Variants in ANKRD36C observed in about 807,000 individuals in gnomAD.
ANKRD36C encodes the protein ankyrin repeat domain-containing protein 36C.
Under a neutral mutation model 276.4 loss-of-function variants are expected in ANKRD36C, and 61 were observed. The ratio of observed to expected loss-of-function variants is 0.22; its 90% CI spans 0.18 to 0.27. ANKRD36C has a LOEUF of 0.27. Ranked by LOEUF, ANKRD36C falls within the 10% of genes least tolerant of loss-of-function variation. ANKRD36C has a pLI of 1.00. For synonymous variants in ANKRD36C, 483 were observed against 680.1 expected (o/e 0.71, Z 4.51); for missense variants, 1,447 against 2,032.3 (o/e 0.71, Z 5.54).
At chr2:95,873,376 T>A (rs1305971090) in intron 59 of ANKRD36C, among the ~76,000 whole-genome samples, 2 of 152,176 alleles carry the variant, frequency 1.3e-5, no homozygotes, top group Non-Finnish European at 2.9e-5. Flanking sequence ...CGCAAATAAA[T>A]AAATGTAATC....
At chr2:95,960,265 T>G (rs1459002356) in intron 10 of ANKRD36C, among the ~76,000 whole-genome samples, 1 of 152,060 alleles carries the variant, frequency 6.6e-6, no homozygotes, top group African/African-American at 2.4e-5. Flanking sequence ...CCAATTTCAG[T>G]GTAGGGAAGT....
intron 1 of ANKRD36C, among the ~76,000 whole-genome samples, chr2:95,988,029 T>C (rs934878213): frequency 1.3e-5 from 2 of 151,980 alleles, no homozygotes; most frequent in Admixed American, 1.3e-4. Context: ...CTTATTGATA[T>C]ATAAAGTAAC....
intron 34 of ANKRD36C, among the ~76,000 whole-genome samples, chr2:95,918,690 G>A (rs564306484): frequency 2.6e-5 from 4 of 151,646 alleles, no homozygotes; most frequent in South Asian, 2.1e-4. Flanking sequence ...AACTTTCTTC[G>A]TCAAGTCGTG....
chr2:95,849,090 C>A (rs1184521312), downstream of ANKRD36C, among the ~76,000 whole-genome samples: 1 of 151,926 alleles, frequency 6.6e-6, no homozygotes, highest in Admixed American at 6.6e-5. Flanking sequence ...GAGATGGAGT[C>A]ACTCTGTTGC....
chr2:95,924,001 C>T (rs894289722), intron 30 of ANKRD36C, among the ~76,000 whole-genome samples: 1 of 151,646 alleles, frequency 6.6e-6, no homozygotes, highest in Non-Finnish European at 1.5e-5. Context: ...AGAGGAGCAA[C>T]TCATACACCT....
chr2:95,916,323 AC>A (rs1403887219), intron 36 of ANKRD36C, among the ~76,000 whole-genome samples, 152 bp from the exon 39 acceptor site: 2 of 151,570 alleles, frequency 1.3e-5, no homozygotes, highest in African/African-American at 2.4e-5. Flanking sequence ...CTAGAACATG[AC>A]AGAAATACAC....
chr2:95,975,792 G>A (rs544680287), intron 6 of ANKRD36C, among the ~76,000 whole-genome samples: 6 of 152,030 alleles, frequency 3.9e-5, no homozygotes, highest in East Asian at 1.9e-4. Context: ...CTAATTAAAC[G>A]AAAGAGCTTC....
intron 3 of ANKRD36C, among the ~76,000 whole-genome samples, chr2:95,984,347 T>C (rs1181932598): frequency 6.6e-6 from 1 of 151,980 alleles, no homozygotes. Context: ...AAACCTGAGA[T>C]AGGCTCAAGG....
intron 15 of ANKRD36C, among the ~76,000 whole-genome samples, chr2:95,951,055 T>A (rs377099763): frequency 0.011 from 1,309 of 116,502 alleles, no homozygotes; most frequent in South Asian, 0.039. Context: ...GGGGAATCAC[T>A]TGAGGTCAAA....
At chr2:95,894,054 G>C (rs963736534) in intron 44 of ANKRD36C, among the ~76,000 whole-genome samples, 8 of 151,488 alleles carry the variant, frequency 5.3e-5, no homozygotes, top group Non-Finnish European at 3.0e-5. Flanking sequence ...TCACACACCT[G>C]AGAATCAATG....
chr2:95,950,878 G>C (rs1678176986), intron 15 of ANKRD36C, 99 bp from the exon 16 acceptor site: 3 of 1,265,580 alleles, frequency 2.4e-6, no homozygotes, highest in African/African-American at 1.5e-5. Flanking sequence ...TATAATCCCA[G>C]CTACTCAGAA....
intron 56 of ANKRD36C, among the ~76,000 whole-genome samples, chr2:95,880,923 T>C (rs1266249140): frequency 6.6e-6 from 1 of 152,196 alleles, no homozygotes; most frequent in East Asian, 1.9e-4. Flanking sequence ...AAATGTGATC[T>C]AAAATCAGAG....
chr2:95,946,922 G>C (rs991530416), intron 17 of ANKRD36C, among the ~76,000 whole-genome samples: 4 of 151,850 alleles, frequency 2.6e-5, no homozygotes, highest in Non-Finnish European at 4.4e-5. Flanking sequence ...GTGGGGGTAG[G>C]GGGGAGGGAT....
In ANKRD36C at chr2:95,916,071, A is replaced by G. The variant is rs1470710286; in HGVS notation, c.2377-19T>C. 11 of 1,596,662 alleles carry G rather than the reference A, an allele frequency of 6.9e-6. No individual in the cohort carries two copies. Among genetic ancestry groups the G allele is most frequent in the Non-Finnish European group, 9.4e-6 (11 of 1,173,426 alleles). ...TTGTAGCCTGAATGGAATTTGAAAC[A>G]AAATAATAAATAAGGTATGTTTCAT... On this transcript the variant is annotated intron_variant, in intron 37 of 66. Transcript: ENST00000456556.
rs1332674105 is a variant in ANKRD36C, at chr2:95,948,611, G to C, written c.1296-15C>G. On this transcript the variant is annotated splice_polypyrimidine_tract_variant and intron_variant, in intron 16 of 66. Transcript: ENST00000456556. ...GGTAGAGACACCTACAGAGCAAAAA[G>C]ATATGAAAAAAATGAGCACGTTCAT... is the stretch of plus-strand genomic sequence containing the variant. 2 of 1,532,502 alleles carry C rather than the reference G, an allele frequency of 1.3e-6. No individual in the cohort carries two copies. Among genetic ancestry groups the C allele is most frequent in the Non-Finnish European group, 1.7e-6 (2 of 1,144,608 alleles). The allele number at this position is 1,532,502 out of a possible 1,614,324, so 94.9% of individuals were successfully genotyped here.
At chr2:95,937,453 C>T (rs796758897) in intron 22 of ANKRD36C, among the ~76,000 whole-genome samples, 598 of 127,138 alleles carry the variant, frequency 4.7e-3, no homozygotes, top group South Asian at 0.017. Context: ...ATTTTCATTT[C>T]TACCAAAAAT....
chr2:95,878,327 T>C (rs1259030013), intron 58 of ANKRD36C, among the ~76,000 whole-genome samples: 2 of 152,210 alleles, frequency 1.3e-5, no homozygotes, highest in South Asian at 2.1e-4. Context: ...GGTTTTGTTA[T>C]TCAAAGAATG....
intron 58 of ANKRD36C, among the ~76,000 whole-genome samples, chr2:95,878,854 A>G: frequency 6.6e-6 from 1 of 152,158 alleles, no homozygotes; most frequent in Non-Finnish European, 1.5e-5. Flanking sequence ...CTCGTACACC[A>G]TTGGTGGCAT....
chr2:95,969,724 C>G (rs1213287557), intron 6 of ANKRD36C, among the ~76,000 whole-genome samples: 1 of 152,088 alleles, frequency 6.6e-6, no homozygotes, highest in African/African-American at 2.4e-5. Flanking sequence ...ACTGCATTTG[C>G]CTCACTTATC....
Sources: gnomAD v4.1 joint callset for allele counts (sites outside exome capture counted in the v4.1 genomes callset) on GRCh38, gnomAD v4.1.1 for gene constraint, MANE v1.5 for transcripts, NCBI Gene and HGNC (gene_info 2026-07-23, HGNC 2026-07-21) for gene names.